Variants in ZNF722 observed in about 807,000 individuals in gnomAD.
ZNF722 encodes zinc finger protein 479 pseudogene.
chr7:64,008,498 G>A, the ZNF722 span, among the ~76,000 whole-genome samples: 1 of 152,102 alleles, frequency 6.6e-6, no homozygotes, highest in Non-Finnish European at 1.5e-5. Context: ...TATTGAATAG[G>A]GAATCCTTTC....
chr7:64,013,801 A>C, the ZNF722 span, among the ~76,000 whole-genome samples: 1 of 152,044 alleles, frequency 6.6e-6, no homozygotes, highest in African/African-American at 2.4e-5. Context: ...TCTTTTCAGC[A>C]TTTTATTTAG....
At chr7:64,007,230 G>GTGTGTGTGTA in the ZNF722 span, among the ~76,000 whole-genome samples, 299 of 138,502 alleles carry the variant, frequency 2.2e-3, 2 homozygotes, top group African/African-American at 2.6e-3. Context: ...GTTTGTGTGT[G>GTGTGTGTGTA]TATATATATA....
the ZNF722 span, chr7:64,015,355 C>T: frequency 1.4e-6 from 2 of 1,461,296 alleles, no homozygotes; most frequent in South Asian, 1.2e-5. Context: ...TTTTGCATGC[C>T]TTCACACCTA....
chr7:64,000,765 G>A, the ZNF722 span, among the ~76,000 whole-genome samples: 1 of 150,270 alleles, frequency 6.7e-6, no homozygotes, highest in Non-Finnish European at 1.5e-5. Context: ...TTTTTCAACT[G>A]TGTCTTTTTT....
At chr7:64,013,311 T>C in the ZNF722 span, among the ~76,000 whole-genome samples, 2 of 152,156 alleles carry the variant, frequency 1.3e-5, no homozygotes, top group Non-Finnish European at 2.9e-5. Context: ...GAAGCCGTGA[T>C]GTTATATATG....
At chr7:64,001,070 C>T in the ZNF722 span, among the ~76,000 whole-genome samples, 11 of 152,302 alleles carry the variant, frequency 7.2e-5, no homozygotes, top group South Asian at 2.1e-4. Context: ...AGCCACTGTG[C>T]GCAGCCGAAT....
the ZNF722 span, among the ~76,000 whole-genome samples, chr7:64,011,970 ACTTCT>A: frequency 7.3e-5 from 11 of 151,294 alleles, no homozygotes; most frequent in Middle Eastern, 3.2e-3. Context: ...TTTTCTCTAA[ACTTCT>A]CTTCTCACTT....
the ZNF722 span, chr7:64,016,014 A>C: frequency 1.2e-6 from 1 of 829,948 alleles, no homozygotes; most frequent in African/African-American, 1.7e-5. Context: ...ACAAACCTTT[A>C]ACAAGTTCCA....
At chr7:64,001,713 A>C in the ZNF722 span, among the ~76,000 whole-genome samples, 1 of 152,172 alleles carries the variant, frequency 6.6e-6, no homozygotes, top group Non-Finnish European at 1.5e-5. Context: ...GCAGTGTATA[A>C]GCATTCAGTT....
At chr7:64,006,083 TA>T in the ZNF722 span, 1 of 534,250 alleles carries the variant, frequency 1.9e-6, no homozygotes, top group Non-Finnish European at 3.0e-6. Context: ...AAATATTTTC[TA>T]AATATGTAGA....
chr7:64,015,377 G>C, the ZNF722 span: 2 of 1,511,522 alleles, frequency 1.3e-6, no homozygotes, highest in Non-Finnish European at 1.8e-6. Context: ...ATCAACATCA[G>C]ATAATTCATA....
the ZNF722 span, among the ~76,000 whole-genome samples, chr7:64,010,811 G>A: frequency 6.6e-6 from 1 of 152,134 alleles, no homozygotes. Context: ...TTAACCTTCT[G>A]TCTTGTTGAT....
the ZNF722 span, among the ~76,000 whole-genome samples, chr7:64,013,306 C>T: frequency 2.6e-5 from 4 of 151,200 alleles, no homozygotes; most frequent in Non-Finnish European, 4.4e-5. Context: ...ATTTTGAAGC[C>T]GTGATGTTAT....
chr7:64,015,222 CA>C, the ZNF722 span: 1 of 1,248,044 alleles, frequency 8.0e-7, no homozygotes, highest in Non-Finnish European at 1.2e-6. Flanking sequence ...GTCAAATACC[CA>C]AAACAAAATA....
At chr7:64,001,393 C>G in the ZNF722 span, among the ~76,000 whole-genome samples, 1 of 152,192 alleles carries the variant, frequency 6.6e-6, no homozygotes, top group Admixed American at 6.5e-5. Context: ...CAGTCTCCAG[C>G]TCCATTGACG....
chr7:64,001,932 G>A, the ZNF722 span, among the ~76,000 whole-genome samples: 1 of 152,050 alleles, frequency 6.6e-6, no homozygotes, highest in Non-Finnish European at 1.5e-5. Flanking sequence ...TGCCCAGGCT[G>A]GAGTGCAATG....
At chr7:64,016,339 T>C in the ZNF722 span, among the ~76,000 whole-genome samples, 22 of 152,112 alleles carry the variant, frequency 1.4e-4, no homozygotes, top group African/African-American at 5.3e-4. Flanking sequence ...AGTTTCACCA[T>C]GTTGGCTAGG....
At chr7:64,017,461 C>T in the ZNF722 span, among the ~76,000 whole-genome samples, 1 of 152,156 alleles carries the variant, frequency 6.6e-6, no homozygotes, top group Non-Finnish European at 1.5e-5. Context: ...AAAGTAAAGA[C>T]TATTTATTCT....
the ZNF722 span, among the ~76,000 whole-genome samples, chr7:64,003,370 T>C: frequency 6.6e-6 from 1 of 152,156 alleles, no homozygotes. Context: ...CTGCCGTGGG[T>C]GTGTGTGGCG....
Sources: allele counts gnomAD v4.1 joint callset (sites outside exome capture counted in the v4.1 genomes callset), GRCh38; gene constraint gnomAD v4.1.1; transcripts MANE v1.5; gene names NCBI Gene and HGNC (gene_info 2026-07-23, HGNC 2026-07-21).